Variants in PCDHGB6 observed in about 807,000 individuals in gnomAD.
The protein encoded by PCDHGB6 is protocadherin gamma-B6.
A neutral mutation model predicts 59.1 loss-of-function variants in PCDHGB6; 51 were observed. The observed-to-expected ratio is 0.86, with a 90% CI of 0.69 to 1.09. The LOEUF (loss-of-function observed/expected upper bound fraction) is 1.09. Ranked by LOEUF, PCDHGB6 falls within the 50% of genes least tolerant of loss-of-function variation. The pLI is 0.00. For synonymous variants in PCDHGB6, 466 were observed against 495.1 expected (o/e 0.94, Z 0.78); for missense variants, 1,148 against 1,205.1 (o/e 0.95, Z 0.70).
chr5:141,493,979 C>T lies in PCDHGB6; in HGVS notation c.2419-828C>T, dbSNP rs1273325447. ...GAAGTGGCTGGCCAGAGCCCCACAC[C>T]TTCAGCTAGGTGGGAGATGGCTACA... is the stretch of plus-strand genomic sequence containing the variant. On this transcript the variant is annotated intron_variant, in intron 1 of 3. Coordinates refer to ENST00000520790, the MANE Select transcript of PCDHGB6 (RefSeq NM_018926.3). The surrounding 1 kb of genome is among the most constrained non-coding windows in gnomAD (Gnocchi z 4.3). Among the ~76,000 whole-genome samples, 1 of 152,182 alleles carries T rather than the reference C, an allele frequency of 6.6e-6. No individual in the cohort carries two copies. Among genetic ancestry groups the T allele is most frequent in the Non-Finnish European group, 1.5e-5 (1 of 68,032 alleles).
At chr5:141,480,414 C>CA (rs10712552) in intron 1 of PCDHGB6, among the ~76,000 whole-genome samples, 44 of 147,474 alleles carry the variant, frequency 3.0e-4, no homozygotes, top group Non-Finnish European at 4.4e-4. Context: ...GACCCTGTCT[C>CA]AAAAAAAAAA....
chr5:141,494,446 G>C (rs1046119515), intron 1 of PCDHGB6, among the ~76,000 whole-genome samples: 2 of 152,172 alleles, frequency 1.3e-5, no homozygotes, highest in African/African-American at 4.8e-5. Context: ...TGCCACTTTA[G>C]GGGGCTTTGT....
Position 141,486,243 on chromosome 5 carries a change from G to T in PCDHGB6, c.2419-8564G>T. ...TACATCACAGTGACCTCAGAGCTTG[G>T]AACCCTCCCCGAGAGTGCAGAACCT... is the stretch of plus-strand genomic sequence containing the variant. On this transcript the variant is annotated intron_variant, in intron 1 of 3. Coordinates refer to ENST00000520790, the MANE Select transcript of PCDHGB6 (RefSeq NM_018926.3). The surrounding 1 kb of genome is among the most constrained non-coding windows in gnomAD (Gnocchi z 5.0). 1 of 1,614,156 alleles carries T rather than the reference G, an allele frequency of 6.2e-7. No individual in the cohort carries two copies. Among genetic ancestry groups the T allele is most frequent in the Non-Finnish European group, 8.5e-7 (1 of 1,180,018 alleles).
At chr5:141,480,584 G>A (rs1421730652) in intron 1 of PCDHGB6, among the ~76,000 whole-genome samples, 1 of 134,606 alleles carries the variant, frequency 7.4e-6, no homozygotes, top group Non-Finnish European at 1.6e-5. Context: ...AATAACTGCC[G>A]CTCTTCTGGT....
chr5:141,413,446 G>T, intron 1 of PCDHGB6: 4 of 1,614,130 alleles, frequency 2.5e-6, no homozygotes, highest in Non-Finnish European at 3.4e-6. Context: ...CTTGATCACC[G>T]CGGGCAGGAT....
At position 141,432,942 on chromosome 5, in the gene PCDHGB6, C is replaced by G. The variant is rs1346694514; in HGVS notation, c.2418+22322C>G. ...CACAAGTCACGCCTGCTGCAGGCTT[C>G]AGGAGGCGGCTTGACAGGAGCGCCG... On this transcript the variant is annotated intron_variant, in intron 1 of 3. Coordinates refer to ENST00000520790, the MANE Select transcript of PCDHGB6 (RefSeq NM_018926.3). The surrounding 1 kb of genome is among the most constrained non-coding windows in gnomAD (Gnocchi z 6.0). The G allele has an allele frequency of 1.2e-6, 2 of 1,614,190 alleles. No individual in the cohort carries two copies. Among genetic ancestry groups the G allele is most frequent in the Non-Finnish European group, 1.7e-6 (2 of 1,180,036 alleles).
intron 1 of PCDHGB6, chr5:141,430,735 A>T (rs1255723102): frequency 6.7e-7 from 1 of 1,497,964 alleles, no homozygotes; most frequent in Non-Finnish European, 8.9e-7. Context: ...GGCAGAATTG[A>T]AAATAATTCT....
intron 1 of PCDHGB6, among the ~76,000 whole-genome samples, chr5:141,480,960 A>G (rs954219522): frequency 1.3e-5 from 2 of 152,190 alleles, no homozygotes; most frequent in African/African-American, 4.8e-5. Context: ...CGGAAGCATC[A>G]GTGAGGGAGA....
chr5:141,475,388 G>C (rs1230010845), intron 1 of PCDHGB6, among the ~76,000 whole-genome samples: 8 of 152,170 alleles, frequency 5.3e-5, no homozygotes, highest in Non-Finnish European at 1.0e-4. Flanking sequence ...AATTTTATAA[G>C]CCAGAGTTAA....
Position 141,409,293 on chromosome 5 carries a change from T to G in PCDHGB6, c.1091T>G (p.Met364Arg). The G allele has an allele frequency of 6.2e-7, 1 of 1,613,992 alleles. No individual in the cohort carries two copies. Among genetic ancestry groups the G allele is most frequent in the Non-Finnish European group, 8.5e-7 (1 of 1,179,902 alleles). ...DQILENSPPGMVVALFKTRDL... is the reference protein window; with the variant it reads ...DQILENSPPGRVVALFKTRDL... ...ATTTTGGAGAATTCACCTCCAGGAA[T>G]GGTTGTTGCCCTCTTCAAAACACGG... Residue 364 changes from methionine (M) to arginine (R), a missense_variant, in exon 1 of 4, where the codon ATG (methionine) becomes AGG (arginine). Transcript: ENST00000520790.
intron 1 of PCDHGB6, chr5:141,418,408 A>G (rs2096253819): frequency 8.1e-6 from 13 of 1,614,032 alleles, no homozygotes; most frequent in Non-Finnish European, 1.1e-5. Flanking sequence ...TGGTGGAGAA[A>G]GACAATCCTG....
chr5:141,502,450 C>T (rs184669731), intron 2 of PCDHGB6, among the ~76,000 whole-genome samples: 3 of 152,010 alleles, frequency 2.0e-5, no homozygotes, highest in Admixed American at 1.3e-4. Context: ...AGATTACACA[C>T]CTTGGTAGGA....
In PCDHGB6 at chr5:141,486,223, C is replaced by G. The variant is rs1164723634; in HGVS notation, c.2419-8584C>G. ...ACGTAAATGACAATGCCCCTTACATCACAGTGACCTCAGAGCTTGGAACCC... is the reference window on the plus strand; with the variant it reads ...ACGTAAATGACAATGCCCCTTACATGACAGTGACCTCAGAGCTTGGAACCC... On this transcript the variant is annotated intron_variant, in intron 1 of 3. Coordinates refer to ENST00000520790, the MANE Select transcript of PCDHGB6 (RefSeq NM_018926.3). The surrounding 1 kb of genome is among the most constrained non-coding windows in gnomAD (Gnocchi z 5.0). The G allele has an allele frequency of 6.2e-7, 1 of 1,614,148 alleles. No homozygotes were observed. Among genetic ancestry groups the G allele is most frequent in the Admixed American group, 1.7e-5 (1 of 60,032 alleles).
intron 1 of PCDHGB6, among the ~76,000 whole-genome samples, chr5:141,471,076 T>C (rs1463083616): frequency 1.5e-5 from 2 of 136,094 alleles, no homozygotes; most frequent in Non-Finnish European, 3.1e-5. Context: ...TGAGACAGGG[T>C]CTCCCTCTGT....
intron 2 of PCDHGB6, among the ~76,000 whole-genome samples, chr5:141,501,290 TACACACACACACACACACACACAC>T (rs55762287): frequency 7.3e-6 from 1 of 136,162 alleles, no homozygotes; most frequent in African/African-American, 2.7e-5. Flanking sequence ...TATTCCCTTA[TACACACACACACACACACACACAC>T]ACACACACAC....
In PCDHGB6 at chr5:141,408,231, G is replaced by A. The variant is rs775180708; in HGVS notation, c.29G>A (p.Arg10Gln). Residue 10 changes from arginine to glutamine, a missense_variant, in exon 1 of 4, where the codon CGG (arginine) becomes CAG (glutamine). Coordinates refer to ENST00000520790, the MANE Select transcript of PCDHGB6 (RefSeq NM_018926.3). ...GGAGGGAGCTGCGCGCAGAGGCGCC[G>A]GGCCGGCCCGCGGCAGGTGCTATTT... Reference protein sequence around the residue: MGGSCAQRRRAGPRQVLFPL... With the variant: MGGSCAQRRQAGPRQVLFPL... 5 of 1,567,976 alleles carry A rather than the reference G, an allele frequency of 3.2e-6. No individual in the cohort carries two copies. In the African/African-American group the frequency reaches 5.4e-5, roughly 17 times the overall value.
chr5:141,509,199 GTC>G (rs1017134758), intron 3 of PCDHGB6, among the ~76,000 whole-genome samples: 1 of 152,070 alleles, frequency 6.6e-6, no homozygotes, highest in Non-Finnish European at 1.5e-5. Context: ...AATATTTCCT[GTC>G]TCTCTATTTC....
chr5:141,485,229 T>G lies in PCDHGB6; in HGVS notation c.2419-9578T>G, dbSNP rs2099609870. ...ATCTGGCGGTGGGCTACCCTTTTGT[T>G]CCTCTTTTACCACCTGGGTTACGTT... is the stretch of plus-strand genomic sequence containing the variant. On this transcript the variant is annotated intron_variant, in intron 1 of 3. Coordinates refer to ENST00000520790, the MANE Select transcript of PCDHGB6 (RefSeq NM_018926.3). The surrounding 1 kb of genome is among the most constrained non-coding windows in gnomAD (Gnocchi z 5.7). 6.2e-7 allele frequency: 1 copy of G among 1,614,042 alleles called. No individual in the cohort carries two copies. The highest frequency in any genetic ancestry group is 8.5e-7 in the Non-Finnish European group (1 of 1,180,030).
chr5:141,430,458 A>G, intron 1 of PCDHGB6: 1 of 204,230 alleles, frequency 4.9e-6, no homozygotes, highest in Non-Finnish European at 9.7e-6. Context: ...GAAGAACAGT[A>G]GGTGGAGCTA....
Sources: gnomAD v4.1 joint callset for allele counts (sites outside exome capture counted in the v4.1 genomes callset) on GRCh38, gnomAD v4.1.1 for gene constraint, Gnocchi (gnomAD v3.1) non-coding constraint, MANE v1.5 for transcripts, NCBI Gene and HGNC (gene_info 2026-07-23, HGNC 2026-07-21) for gene names.